DLGAP1: variants seen among roughly 807,000 people sequenced by gnomAD.
DLGAP1 encodes the protein disks large-associated protein 1.
Under a neutral mutation model 90.8 loss-of-function variants are expected in DLGAP1, and 11 were observed. That is an observed-to-expected ratio of 0.12 (90% CI 0.08 to 0.20). The LOEUF (loss-of-function observed/expected upper bound fraction) is 0.20, where lower values mean the gene tolerates loss of function less well. Ranked by LOEUF, DLGAP1 falls within the 10% of genes least tolerant of loss-of-function variation. DLGAP1 has a pLI of 1.00. For missense variants in DLGAP1, 1,050 were observed against 1,333.8 expected (o/e 0.79, Z 3.31); for synonymous variants, 558 against 540.7 (o/e 1.03, Z -0.44).
At chr18:4,359,843 T>C (rs1275081965) in intron 1 of DLGAP1, among the ~76,000 whole-genome samples, 1 of 152,208 alleles carries the variant, frequency 6.6e-6, no homozygotes, top group African/African-American at 2.4e-5. Flanking sequence ...AAATAGTCAG[T>C]AATCTTGATT....
At chr18:3,531,644 G>A (rs1030226883) in intron 10 of DLGAP1, among the ~76,000 whole-genome samples, 4 of 151,770 alleles carry the variant, frequency 2.6e-5, no homozygotes, top group East Asian at 2.0e-4. Context: ...CTCCACACCC[G>A]ACTAATTTTT....
At chr18:3,509,216 A>G (rs1245954807) in intron 10 of DLGAP1, among the ~76,000 whole-genome samples, 2 of 152,154 alleles carry the variant, frequency 1.3e-5, no homozygotes, top group Admixed American at 1.3e-4. Flanking sequence ...GTCAGGAAAG[A>G]GCTGTGGCTG....
At chr18:3,872,103 A>C (rs2070780894) in intron 4 of DLGAP1, among the ~76,000 whole-genome samples, 1 of 152,128 alleles carries the variant, frequency 6.6e-6, no homozygotes, top group Non-Finnish European at 1.5e-5. Context: ...AAAAGCAGGC[A>C]TATTGCTAGA....
At chr18:4,197,188 T>TAAAAAAAAAAAAA (rs532844849) in intron 1 of DLGAP1, among the ~76,000 whole-genome samples, 124 of 73,662 alleles carry the variant, frequency 1.7e-3, no homozygotes, top group African/African-American at 4.2e-3. Flanking sequence ...TAAAAAAAAG[T>TAAAAAAAAAAAAA]AAAAAAAAAA....
At position 4,180,842 on chromosome 18, in the gene DLGAP1, G is replaced by A. The variant is rs143162019; in HGVS notation, c.-266-29555C>T. On this transcript the variant is annotated intron_variant, in intron 1 of 12. Coordinates refer to ENST00000315677, the MANE Select transcript of DLGAP1 (RefSeq NM_004746.4). ...ACTGGCTTTCAGTAAAGATTTGCTGGGAAGTCAAATGTTCAGAGCTCTGCT... is the reference window on the plus strand; with the variant it reads ...ACTGGCTTTCAGTAAAGATTTGCTGAGAAGTCAAATGTTCAGAGCTCTGCT... Among the ~76,000 whole-genome samples, 604 of 152,152 alleles carry A rather than the reference G, an allele frequency of 4.0e-3. 9 individuals carry two copies. Among genetic ancestry groups the A allele is most frequent in the African/African-American group, 0.014 (572 of 41,528 alleles).
chr18:3,568,777 C>G (rs2145148150), intron 8 of DLGAP1, among the ~76,000 whole-genome samples: 1 of 152,170 alleles, frequency 6.6e-6, no homozygotes, highest in African/African-American at 2.4e-5. Flanking sequence ...AGCTCCGCCT[C>G]CCAGGTTCAC....
At chr18:4,127,631 C>T in intron 2 of DLGAP1, among the ~76,000 whole-genome samples, 1 of 152,098 alleles carries the variant, frequency 6.6e-6, no homozygotes, top group Non-Finnish European at 1.5e-5. Context: ...ATCTGAAAAA[C>T]ATAACTCAGC....
intron 2 of DLGAP1, among the ~76,000 whole-genome samples, chr18:4,141,707 A>G (rs973203226): frequency 1.3e-5 from 2 of 151,636 alleles, no homozygotes; most frequent in Non-Finnish European, 2.9e-5. Flanking sequence ...CCTGTCCTCA[A>G]TCTCACTAAT....
At chr18:4,443,683 C>T (rs35405752) in intron 1 of DLGAP1, among the ~76,000 whole-genome samples, 19,011 of 152,034 alleles carry the variant, frequency 0.13, 1,515 homozygotes, top group East Asian at 0.24. Flanking sequence ...TTGGTATTGC[C>T]GATATTTAAA....
intron 3 of DLGAP1, among the ~76,000 whole-genome samples, chr18:3,923,615 T>A (rs922146431): frequency 6.6e-6 from 1 of 152,202 alleles, no homozygotes; most frequent in African/African-American, 2.4e-5. Context: ...ATAAAAGTTT[T>A]CCCAACTTTG....
intron 5 of DLGAP1, among the ~76,000 whole-genome samples, chr18:3,799,691 T>G (rs1362002054): frequency 6.6e-6 from 1 of 152,030 alleles, no homozygotes; most frequent in Non-Finnish European, 1.5e-5. Flanking sequence ...GGCAACCACT[T>G]AAATAAACTC....
intron 1 of DLGAP1, among the ~76,000 whole-genome samples, chr18:4,426,880 G>A (rs985681209): frequency 2.0e-5 from 3 of 152,130 alleles, no homozygotes; most frequent in Non-Finnish European, 2.9e-5. Context: ...GGACATAACT[G>A]TAATGAAGGA....
chr18:4,228,388 G>C (rs62086495), intron 1 of DLGAP1, among the ~76,000 whole-genome samples: 5,704 of 151,888 alleles, frequency 0.038, 158 homozygotes, highest in Non-Finnish European at 0.059. Flanking sequence ...GACACATCAA[G>C]AAAAAGAAAA....
At chr18:4,095,927 G>A (rs2075670129) in intron 2 of DLGAP1, among the ~76,000 whole-genome samples, 1 of 151,936 alleles carries the variant, frequency 6.6e-6, no homozygotes, top group Non-Finnish European at 1.5e-5. Context: ...AACCTGAATC[G>A]ATCAGCAGAA....
chr18:3,545,575 G>A (rs2052966058), intron 9 of DLGAP1, among the ~76,000 whole-genome samples: 1 of 152,106 alleles, frequency 6.6e-6, no homozygotes, highest in African/African-American at 2.4e-5. Flanking sequence ...GAAATAAATA[G>A]GCCGGGAGCC....
chr18:4,104,356 G>T (rs2143912134), intron 2 of DLGAP1, among the ~76,000 whole-genome samples: 1 of 152,192 alleles, frequency 6.6e-6, no homozygotes, highest in East Asian at 1.9e-4. Context: ...ATATTCTCAT[G>T]CTTTCTTGAA....
At chr18:4,144,897 T>C (rs1310341545) in intron 2 of DLGAP1, among the ~76,000 whole-genome samples, 1 of 152,222 alleles carries the variant, frequency 6.6e-6, no homozygotes, top group Non-Finnish European at 1.5e-5. Flanking sequence ...AATGTTGTCC[T>C]TGAACATTCT....
intron 7 of DLGAP1, among the ~76,000 whole-genome samples, chr18:3,615,446 G>A (rs2057822744): frequency 6.6e-6 from 1 of 152,082 alleles, no homozygotes; most frequent in Non-Finnish European, 1.5e-5. Context: ...TTTCCAGCAG[G>A]GAGGAAAACT....
intron 1 of DLGAP1, among the ~76,000 whole-genome samples, chr18:4,233,256 A>G (rs570038381): frequency 6.6e-6 from 1 of 152,302 alleles, no homozygotes; most frequent in African/African-American, 2.4e-5. Context: ...TCTAAGCCAG[A>G]AAACAGATTG....
Sources: allele counts gnomAD v4.1 joint callset (sites outside exome capture counted in the v4.1 genomes callset), GRCh38; gene constraint gnomAD v4.1.1; transcripts MANE v1.5; gene names NCBI Gene and HGNC (gene_info 2026-07-23, HGNC 2026-07-21).